CAMK2D: variants seen among roughly 807,000 people sequenced by gnomAD.
CAMK2D encodes calcium/calmodulin dependent protein kinase II delta.
In CAMK2D, 37 loss-of-function variants were observed where a neutral mutation model predicts 84.0. The ratio of observed to expected loss-of-function variants is 0.44; its 90% confidence interval spans 0.34 to 0.58. CAMK2D has a LOEUF of 0.58. CAMK2D is among the 20% of genes least tolerant of loss of function. CAMK2D has a pLI of 0.02. For missense variants in CAMK2D, 448 were observed against 652.5 expected (o/e 0.69, Z 3.41); for synonymous variants, 202 against 212.5 (o/e 0.95, Z 0.43).
intron 2 of CAMK2D, among the ~76,000 whole-genome samples, chr4:113,680,174 G>A (rs954945419): frequency 1.3e-5 from 2 of 152,084 alleles, no homozygotes; most frequent in Non-Finnish European, 2.9e-5. Context: ...AGATTCTATG[G>A]AAGCAGATGC....
At chr4:113,690,678 T>C (rs1038137408) in intron 2 of CAMK2D, among the ~76,000 whole-genome samples, 2 of 152,230 alleles carry the variant, frequency 1.3e-5, no homozygotes, top group Admixed American at 1.3e-4. Flanking sequence ...CATTTAAAAA[T>C]ATCTCATGCT....
chr4:113,477,449 T>C (rs1038787363), intron 16 of CAMK2D, among the ~76,000 whole-genome samples: 2 of 152,268 alleles, frequency 1.3e-5, no homozygotes, highest in African/African-American at 4.8e-5. Flanking sequence ...CTTGTTGAAA[T>C]ATTGGGGCCC....
intron 16 of CAMK2D, among the ~76,000 whole-genome samples, chr4:113,469,018 G>T (rs2097513488): frequency 6.6e-6 from 1 of 152,190 alleles, no homozygotes; most frequent in Admixed American, 6.5e-5. Context: ...AGATGTTCCA[G>T]GTTCTGAGTG....
chr4:113,605,500 A>G (rs1319481711), intron 4 of CAMK2D, among the ~76,000 whole-genome samples: 1 of 152,238 alleles, frequency 6.6e-6, no homozygotes, highest in Admixed American at 6.5e-5. Flanking sequence ...TCACTTCAGA[A>G]TGTTATTACT....
At chr4:113,675,336 C>T (rs935652257) in intron 2 of CAMK2D, among the ~76,000 whole-genome samples, 4 of 152,160 alleles carry the variant, frequency 2.6e-5, no homozygotes, top group African/African-American at 4.8e-5. Context: ...ATATTGCTTT[C>T]ATCTTTAAAA....
chr4:113,744,024 T>C (rs2099598876), intron 2 of CAMK2D, among the ~76,000 whole-genome samples: 1 of 151,852 alleles, frequency 6.6e-6, no homozygotes, highest in Non-Finnish European at 1.5e-5. Context: ...GTATTTTTAG[T>C]AGAGAAGGGG....
At chr4:113,649,735 T>C (rs1436042565) in intron 3 of CAMK2D, among the ~76,000 whole-genome samples, 4 of 152,226 alleles carry the variant, frequency 2.6e-5, no homozygotes, top group African/African-American at 9.7e-5. Context: ...ACCAGTACTT[T>C]AGCTACAACA....
At chr4:113,546,158 T>C (rs183368870) in intron 6 of CAMK2D, among the ~76,000 whole-genome samples, 16 of 152,180 alleles carry the variant, frequency 1.1e-4, no homozygotes, top group African/African-American at 3.9e-4. Flanking sequence ...AATAATAAAT[T>C]TATAGAAGTG....
At chr4:113,713,235 C>T (rs2099499732) in intron 2 of CAMK2D, among the ~76,000 whole-genome samples, 3 of 151,716 alleles carry the variant, frequency 2.0e-5, no homozygotes, top group East Asian at 1.9e-4. Flanking sequence ...AGTTTCCTTA[C>T]ATTGTAAACT....
chr4:113,642,563 A>G (rs1444819293), intron 3 of CAMK2D, among the ~76,000 whole-genome samples: 3 of 152,162 alleles, frequency 2.0e-5, no homozygotes, highest in African/African-American at 4.8e-5. Context: ...ACTGATACCA[A>G]CTTAGCAGCG....
intron 2 of CAMK2D, among the ~76,000 whole-genome samples, chr4:113,715,545 T>C (rs192649622): frequency 7.2e-5 from 11 of 152,120 alleles, no homozygotes; most frequent in African/African-American, 2.4e-4. Flanking sequence ...AATATATAGT[T>C]AGGTTTTTAG....
intron 3 of CAMK2D, among the ~76,000 whole-genome samples, chr4:113,616,612 C>T (rs904970438): frequency 5.9e-5 from 9 of 152,118 alleles, no homozygotes; most frequent in African/African-American, 2.2e-4. Context: ...TAACTGTTGA[C>T]TGTATGGGTA....
intron 4 of CAMK2D, among the ~76,000 whole-genome samples, chr4:113,608,260 C>T (rs1306095829): frequency 1.3e-5 from 2 of 152,114 alleles, no homozygotes; most frequent in Non-Finnish European, 2.9e-5. Context: ...ATTAACCAAA[C>T]CTAGTATTAA....
chr4:113,723,079 T>C (rs903736300), intron 2 of CAMK2D, among the ~76,000 whole-genome samples: 1 of 152,090 alleles, frequency 6.6e-6, no homozygotes. Flanking sequence ...AAGAGTTGTT[T>C]TGAGGATTAA....
intron 8 of CAMK2D, among the ~76,000 whole-genome samples, chr4:113,527,961 T>C (rs2098433132): frequency 1.3e-5 from 2 of 152,118 alleles, no homozygotes; most frequent in Admixed American, 1.3e-4. Flanking sequence ...TTATTTAAAT[T>C]CTTTGGCAGA....
rs1303644179 is a variant in CAMK2D, at chr4:113,642,592, C to T, written c.220+19121G>A. Among the ~76,000 whole-genome samples the T allele has an allele frequency of 2.6e-5, 4 of 152,206 alleles. No homozygotes were observed. In the East Asian group the frequency reaches 7.7e-4, roughly 29 times the overall value. ...AGCAGCGGAGTGAAGCTATTTATCC[C>T]TCCTCCCTTTTTTGGGCAACAATAG... On this transcript the variant is annotated intron_variant, in intron 3 of 20. Coordinates refer to ENST00000511664, the MANE Select transcript of CAMK2D (RefSeq NM_001321571.2).
At chr4:113,624,077 G>A (rs1457497719) in intron 3 of CAMK2D, among the ~76,000 whole-genome samples, 1 of 152,068 alleles carries the variant, frequency 6.6e-6, no homozygotes, top group Non-Finnish European at 1.5e-5. Flanking sequence ...AATGCCAGGT[G>A]CTCACAGTTC....
chr4:113,677,460 A>G (rs746158518), intron 2 of CAMK2D: 13 of 272,052 alleles, frequency 4.8e-5, no homozygotes, highest in Non-Finnish European at 7.3e-5. Context: ...ATCAACAGGA[A>G]AGTGAAAGTA....
At position 113,454,457 on chromosome 4, in the gene CAMK2D, G is replaced by A. The variant is rs577827272; in HGVS notation, c.*88C>T. The A allele has an allele frequency of 3.9e-6, 3 of 777,226 alleles. No homozygotes were observed. The South Asian group carries it at 4.0e-5, about 10-fold the overall frequency. 48.1% of individuals were successfully genotyped at this position (777,226 alleles called of 1,614,324 possible). On this transcript the variant is annotated 3_prime_UTR_variant, in exon 21 of 21. Coordinates refer to ENST00000511664, the MANE Select transcript of CAMK2D (RefSeq NM_001321571.2). ...TGAAGAGGAGGAGAGGACGGCCCAG[G>A]GTCACCATCCAGGTGCCTTGAGAAC...
Sources: allele counts gnomAD v4.1 joint callset (sites outside exome capture counted in the v4.1 genomes callset), GRCh38; gene constraint gnomAD v4.1.1; transcripts MANE v1.5; gene names NCBI Gene and HGNC (gene_info 2026-07-23, HGNC 2026-07-21).